EYA3: variants seen among roughly 807,000 people sequenced by gnomAD.
The protein encoded by EYA3 is EYA transcriptional coactivator and phosphatase 3.
EYA3 carries 39 observed loss-of-function variants against 80.0 expected under a neutral mutation model. The observed-to-expected ratio is 0.49, with a 90% CI of 0.38 to 0.64. The LOEUF (loss-of-function observed/expected upper bound fraction) is 0.64, where lower values mean the gene tolerates loss of function less well. Ranked by LOEUF, EYA3 falls within the 30% of genes least tolerant of loss-of-function variation. EYA3 has a pLI of 0.00. For missense variants in EYA3, 523 were observed against 676.1 expected (o/e 0.77, Z 2.51); for synonymous variants, 206 against 232.8 (o/e 0.88, Z 1.05).
chr1:28,033,456 C>A (rs1643263009), intron 6 of EYA3, among the ~76,000 whole-genome samples: 1 of 151,988 alleles, frequency 6.6e-6, no homozygotes. Context: ...ATGATTATCT[C>A]TTTCTGAATT....
intron 10 of EYA3, among the ~76,000 whole-genome samples, chr1:28,008,862 T>C (rs1641485995): frequency 6.6e-6 from 1 of 152,152 alleles, no homozygotes. Context: ...AAGAATTGCT[T>C]GAACCTGGGA....
chr1:28,013,440 A>T lies in EYA3; in HGVS notation c.586-146T>A, dbSNP rs1641829947. On this transcript the variant is annotated intron_variant, in intron 8 of 17. Transcript: ENST00000373871. This position sits in a 1 kb window ranked among gnomAD's most constrained non-coding sequence, Gnocchi z 4.0. ...CTCATTTACCTACCTAAAAGTCTCCAATCTAAATCAATGATTTTCAAAATG... is the reference window on the plus strand; with the variant it reads ...CTCATTTACCTACCTAAAAGTCTCCTATCTAAATCAATGATTTTCAAAATG... 1 of 711,462 alleles carries T rather than the reference A, an allele frequency of 1.4e-6. No individual in the cohort carries two copies. The highest frequency in any genetic ancestry group is 1.8e-5 in the African/African-American group (1 of 55,782). The allele number at this position is 711,462 out of a possible 1,614,324, so 44.1% of individuals were successfully genotyped here.
chr1:28,069,561 AAAAGAG>A (rs1644948677), intron 1 of EYA3, among the ~76,000 whole-genome samples: 1 of 151,262 alleles, frequency 6.6e-6, no homozygotes, highest in Non-Finnish European at 1.5e-5. Context: ...AAAAAAAAAA[AAAAGAG>A]AGAGAAGAAG....
intron 1 of EYA3, among the ~76,000 whole-genome samples, chr1:28,070,752 G>C (rs1644993292): frequency 6.6e-6 from 1 of 152,092 alleles, no homozygotes; most frequent in South Asian, 2.1e-4. Flanking sequence ...CTGTCACTCT[G>C]GGATAAACTT....
At chr1:28,044,219 C>T (rs1175581096) in intron 3 of EYA3, among the ~76,000 whole-genome samples, 1 of 152,158 alleles carries the variant, frequency 6.6e-6, no homozygotes, top group Non-Finnish European at 1.5e-5. Context: ...CATTATAGCA[C>T]AGTGGTTAGG....
chr1:28,074,435 AAGTGGACTAATATAATAT>A (rs1239075172), intron 1 of EYA3, among the ~76,000 whole-genome samples: 2 of 152,126 alleles, frequency 1.3e-5, no homozygotes, highest in African/African-American at 4.8e-5. Flanking sequence ...AGGGCAAACC[AAGTGGACTAATATAATAT>A]AGTTCACAAA....
chr1:27,976,399 G>A (rs896896785), intron 17 of EYA3, among the ~76,000 whole-genome samples: 32 of 152,240 alleles, frequency 2.1e-4, no homozygotes, highest in African/African-American at 7.7e-4. Context: ...GGCGGAGGCT[G>A]CAGTGAGCCA....
At chr1:28,039,933 C>T (rs1643681711) in intron 4 of EYA3, among the ~76,000 whole-genome samples, 1 of 152,110 alleles carries the variant, frequency 6.6e-6, no homozygotes, top group South Asian at 2.1e-4. Flanking sequence ...TATTTGAATT[C>T]TACATAATGG....
intron 3 of EYA3, among the ~76,000 whole-genome samples, chr1:28,045,115 A>T (rs970021830): frequency 7.2e-5 from 11 of 152,178 alleles, no homozygotes; most frequent in Non-Finnish European, 1.2e-4. Context: ...CCTCATTTGT[A>T]ATTAATTTTA....
intron 4 of EYA3, 142 bp from the exon 5 acceptor site, chr1:28,039,047 G>T: frequency 2.1e-6 from 1 of 475,952 alleles, no homozygotes. Context: ...CTATGTGGTA[G>T]AAAATATCTC....
At chr1:28,003,547 T>C (rs369500183) in intron 11 of EYA3, among the ~76,000 whole-genome samples, 1 of 152,018 alleles carries the variant, frequency 6.6e-6, no homozygotes, top group Non-Finnish European at 1.5e-5. Flanking sequence ...ATGAAATAAC[T>C]GGAAGTAACA....
chr1:27,993,487 G>C lies in EYA3; in HGVS notation c.1216C>G (p.Gln406Glu). The C allele has an allele frequency of 1.9e-6, 3 of 1,613,318 alleles. No homozygotes were observed. Among genetic ancestry groups the C allele is most frequent in the Non-Finnish European group, 2.5e-6 (3 of 1,179,734 alleles). ...TTCCTCATCCAGTCCACACCTCCCT[G>C]AACACCCACAGATGAACCATGGCTG... Reference protein sequence around the residue: ...SGSHGSSVGVQGGVDWMRKLA... With the variant: ...SGSHGSSVGVEGGVDWMRKLA... Residue 406 changes from glutamine (Q) to glutamate (E), a missense_variant, in exon 14 of 18, where the codon CAG (glutamine) becomes GAG (glutamate). Transcript: ENST00000373871.
In EYA3 at chr1:28,011,894, A is replaced by T. The variant is rs939600450; in HGVS notation, c.770-808T>A. ...ATGCGATAAAAACTGTATATGCTTT[A>T]TGTTGTTTTGAAATATGTATACACT... On this transcript the variant is annotated intron_variant, in intron 9 of 17. Coordinates refer to ENST00000373871, the MANE Select transcript of EYA3 (RefSeq NM_001990.4). 2.0e-5 allele frequency among the ~76,000 whole-genome samples: 3 copies of T among 152,284 alleles called. No homozygotes were observed. The East Asian group carries it at 5.8e-4, about 29-fold the overall frequency.
intron 7 of EYA3, among the ~76,000 whole-genome samples, chr1:28,023,087 G>T (rs1363518789): frequency 1.4e-4 from 2 of 14,336 alleles, no homozygotes; most frequent in African/African-American, 1.6e-4. Flanking sequence ...CTGGGTGGGG[G>T]GGGGGGGGAA....
At chr1:28,085,949 ACTT>A (rs1310524063) in intron 1 of EYA3, among the ~76,000 whole-genome samples, 1 of 152,236 alleles carries the variant, frequency 6.6e-6, no homozygotes, top group African/African-American at 2.4e-5. Flanking sequence ...AAACTTTTCA[ACTT>A]CTACTTCTGC....
At chr1:28,048,675 T>C (rs1401662412) in intron 2 of EYA3, among the ~76,000 whole-genome samples, 1 of 152,170 alleles carries the variant, frequency 6.6e-6, no homozygotes, top group Non-Finnish European at 1.5e-5. Context: ...TTACTCAAGG[T>C]AGACAGAATG....
At chr1:28,080,622 T>C (rs1445338400) in intron 1 of EYA3, among the ~76,000 whole-genome samples, 3 of 150,776 alleles carry the variant, frequency 2.0e-5, no homozygotes, top group East Asian at 3.9e-4. Context: ...TATTTTATAG[T>C]GGGTCATGAT....
chr1:27,975,517 ACT>A (rs1557515189), intron 17 of EYA3, among the ~76,000 whole-genome samples: 1 of 136,794 alleles, frequency 7.3e-6, no homozygotes, highest in African/African-American at 2.8e-5. Context: ...ACAGAGTCTC[ACT>A]CTGTCGCCCA....
chr1:28,006,409 T>TA (rs578095553), intron 10 of EYA3, among the ~76,000 whole-genome samples: 2 of 151,998 alleles, frequency 1.3e-5, no homozygotes, highest in South Asian at 2.1e-4. Flanking sequence ...AGGCCATATA[T>TA]AAAAAATCCA....
Sources: gnomAD v4.1 joint callset for allele counts (sites outside exome capture counted in the v4.1 genomes callset) on GRCh38, gnomAD v4.1.1 for gene constraint, Gnocchi (gnomAD v3.1) non-coding constraint, MANE v1.5 for transcripts, NCBI Gene and HGNC (gene_info 2026-07-23, HGNC 2026-07-21) for gene names.